CDH4: variants seen among roughly 807,000 people sequenced by gnomAD.
CDH4 encodes cadherin 4.
CDH4 carries 33 observed loss-of-function variants against 86.0 expected under a neutral mutation model. That is an observed-to-expected ratio of 0.38 (90% CI 0.29 to 0.51). CDH4 has a LOEUF of 0.51. CDH4 is among the 20% of genes least tolerant of loss of function. CDH4 has a pLI of 0.86. For synonymous variants in CDH4, 555 were observed against 549.4 expected (o/e 1.01, Z -0.14); for missense variants, 1,114 against 1,307.4 (o/e 0.85, Z 2.28).
chr20:61,870,918 C>T (rs980309606), intron 6 of CDH4, among the ~76,000 whole-genome samples: 4 of 152,154 alleles, frequency 2.6e-5, no homozygotes, highest in African/African-American at 9.7e-5. Context: ...TCTGGTGTTT[C>T]GGTAAGCAGC....
intron 2 of CDH4, among the ~76,000 whole-genome samples, chr20:61,560,083 AACTTC>A (rs1600758647): frequency 6.6e-6 from 1 of 152,150 alleles, no homozygotes; most frequent in East Asian, 1.9e-4. Context: ...CTGCCACTCG[AACTTC>A]GGAGTCGCTT....
chr20:61,551,591 T>C (rs1185429611), intron 2 of CDH4, among the ~76,000 whole-genome samples: 1 of 152,124 alleles, frequency 6.6e-6, no homozygotes, highest in Non-Finnish European at 1.5e-5. Flanking sequence ...CCACGTGACT[T>C]CCCCCACCTA....
At chr20:61,921,748 CAAAAAAAAAAAAA>C (rs11468230) in intron 9 of CDH4, among the ~76,000 whole-genome samples, 1 of 134,732 alleles carries the variant, frequency 7.4e-6, no homozygotes, top group African/African-American at 2.8e-5. Context: ...AAGACTCTGT[CAAAAAAAAAAAAA>C]AAAAAAAATC....
At chr20:61,909,431 G>A (rs893525432) in intron 8 of CDH4, among the ~76,000 whole-genome samples, 1 of 152,230 alleles carries the variant, frequency 6.6e-6, no homozygotes, top group African/African-American at 2.4e-5. Context: ...GTCAGCATGA[G>A]CTTGCAAGGT....
At chr20:61,813,125 A>C (rs556252852) in intron 4 of CDH4, among the ~76,000 whole-genome samples, 2 of 152,232 alleles carry the variant, frequency 1.3e-5, no homozygotes, top group Non-Finnish European at 2.9e-5. Flanking sequence ...GAGATTTCAA[A>C]CAGAATTTCT....
At chr20:61,268,422 A>C (rs1223482229) in intron 2 of CDH4, among the ~76,000 whole-genome samples, 1 of 152,256 alleles carries the variant, frequency 6.6e-6, no homozygotes. Context: ...AGTGGGCTGA[A>C]TTGCTTTTTC....
At chr20:61,904,676 G>A (rs905659684) in intron 8 of CDH4, among the ~76,000 whole-genome samples, 22 of 152,140 alleles carry the variant, frequency 1.4e-4, no homozygotes, top group African/African-American at 3.9e-4. Context: ...CCTCCTCCCC[G>A]TGACACAGAG....
intron 2 of CDH4, among the ~76,000 whole-genome samples, chr20:61,292,588 G>A (rs1236495019): frequency 3.3e-5 from 5 of 152,234 alleles, no homozygotes; most frequent in Non-Finnish European, 1.5e-5. Flanking sequence ...AGAAGGTGCT[G>A]GTGGGCACAA....
chr20:61,835,301 GCAGT>G (rs1981818630), intron 4 of CDH4, among the ~76,000 whole-genome samples: 1 of 152,186 alleles, frequency 6.6e-6, no homozygotes, highest in Non-Finnish European at 1.5e-5. Flanking sequence ...CTGGCCTCAA[GCAGT>G]CTTCCTGCCT....
intron 2 of CDH4, among the ~76,000 whole-genome samples, chr20:61,692,759 A>G (rs779258451): frequency 3.4e-4 from 52 of 152,270 alleles, no homozygotes; most frequent in South Asian, 8.3e-4. Flanking sequence ...TTCTGCAGCA[A>G]TTGATCAGAA....
intron 4 of CDH4, among the ~76,000 whole-genome samples, chr20:61,820,619 C>T (rs1016630587): frequency 2.0e-5 from 3 of 152,236 alleles, no homozygotes; most frequent in East Asian, 1.9e-4. Flanking sequence ...GGCCAGGCCA[C>T]GGGGCTCCCA....
chr20:61,771,290 G>A (rs890830563), intron 3 of CDH4, among the ~76,000 whole-genome samples: 15 of 151,318 alleles, frequency 9.9e-5, no homozygotes, highest in Admixed American at 6.6e-4. Context: ...GATTACAGGC[G>A]TGAGCCACCA....
At chr20:61,718,019 C>T (rs1352908966) in intron 2 of CDH4, 2 of 152,452 alleles carry the variant, frequency 1.3e-5, no homozygotes, top group East Asian at 1.9e-4. Flanking sequence ...ATCACATCCT[C>T]AGCACCCTAC....
intron 6 of CDH4, 59 bp downstream of exon 6, chr20:61,852,957 G>A: frequency 6.4e-7 from 1 of 1,559,724 alleles, no homozygotes; most frequent in Non-Finnish European, 8.7e-7. Flanking sequence ...TGCAGCACAG[G>A]CCCTGAGGGC....
At chr20:61,882,542 G>T (rs766395832) in intron 7 of CDH4, among the ~76,000 whole-genome samples, 20 of 152,218 alleles carry the variant, frequency 1.3e-4, no homozygotes, top group Non-Finnish European at 2.1e-4. Context: ...GGAGGCCTGG[G>T]CTAAGGGAGT....
intron 2 of CDH4, among the ~76,000 whole-genome samples, chr20:61,577,452 G>A (rs2086390908): frequency 6.6e-6 from 1 of 152,238 alleles, no homozygotes; most frequent in Non-Finnish European, 1.5e-5. Context: ...CATGTTGAAA[G>A]ATGATTGTAT....
chr20:61,620,062 G>C (rs2086757539), intron 2 of CDH4, among the ~76,000 whole-genome samples: 1 of 144,058 alleles, frequency 6.9e-6, no homozygotes, highest in South Asian at 2.3e-4. Context: ...TGCAAGGCCT[G>C]TCCTCCCTGG....
chr20:61,858,161 GTC>G lies in CDH4; in HGVS notation c.877+5267_877+5268del, dbSNP rs1417120442. Reference sequence around the variant, plus strand: ...TCTGTGTGTGTGTCTGTGTCTGTGTGTCTCTGTGTGTCTGTGTGTGTCTCTGT... The same window carrying G: ...TCTGTGTGTGTGTCTGTGTCTGTGTGTCTGTGTGTCTGTGTGTGTCTCTGT... On this transcript the variant is annotated intron_variant, in intron 6 of 15. Coordinates refer to ENST00000614565, the MANE Select transcript of CDH4 (RefSeq NM_001794.5). Among the ~76,000 whole-genome samples the G allele has an allele frequency of 5.9e-4, 71 of 119,364 alleles. 2 individuals are homozygous for G. The South Asian group carries it at 0.024, about 40-fold the overall frequency. 78.3% of individuals were successfully genotyped at this position (119,364 alleles called of 152,430 possible).
chr20:61,401,047 C>G (rs1418086918), intron 2 of CDH4, among the ~76,000 whole-genome samples: 2 of 152,240 alleles, frequency 1.3e-5, no homozygotes, highest in East Asian at 1.9e-4. Context: ...TCCAGAGCTC[C>G]TAGCACGGTC....
Sources: gnomAD v4.1 joint callset for allele counts (sites outside exome capture counted in the v4.1 genomes callset) on GRCh38, gnomAD v4.1.1 for gene constraint, MANE v1.5 for transcripts, NCBI Gene and HGNC (gene_info 2026-07-23, HGNC 2026-07-21) for gene names.